The following ELAPOR2 variants were observed in gnomAD, a reference collection of about 807,000 sequenced individuals.
ELAPOR2 encodes the protein endosome/lysosome-associated apoptosis and autophagy regulator family member 2.
In ELAPOR2, 89 loss-of-function variants were observed where a neutral mutation model predicts 120.7. The observed-to-expected ratio is 0.74, with a 90% CI of 0.62 to 0.88. The LOEUF is 0.88. Ranked by LOEUF, ELAPOR2 falls within the 40% of genes least tolerant of loss-of-function variation. The pLI is 0.00. For missense variants in ELAPOR2, 1,134 were observed against 1,251.6 expected, an observed-to-expected ratio of 0.91 and a Z score of 1.42; for synonymous variants, 444 against 444.9, an observed-to-expected ratio of 1.00 and a Z score of 0.03.
chr7:87,005,758 T>G (rs1266793517), intron 1 of ELAPOR2, among the ~76,000 whole-genome samples: 3 of 152,128 alleles, frequency 2.0e-5, no homozygotes, highest in Non-Finnish European at 4.4e-5. Flanking sequence ...CATACCTAGG[T>G]ACAAAGTTTA....
chr7:86,916,955 ATTTTTTTT>A (rs58682563), intron 12 of ELAPOR2, among the ~76,000 whole-genome samples: 4 of 86,700 alleles, frequency 4.6e-5, no homozygotes, highest in Admixed American at 1.3e-4. Context: ...TGGCCAGCTA[ATTTTTTTT>A]TTTTTTTTTT....
intron 4 of ELAPOR2, among the ~76,000 whole-genome samples, chr7:86,942,996 T>C (rs10487059): frequency 0.073 from 11,127 of 152,096 alleles, 1,395 homozygotes; most frequent in African/African-American, 0.25. Flanking sequence ...AACTAAAATA[T>C]AGACCCTATT....
chr7:87,004,373 T>C (rs1355546828), intron 1 of ELAPOR2, among the ~76,000 whole-genome samples: 3 of 152,208 alleles, frequency 2.0e-5, no homozygotes, highest in Non-Finnish European at 4.4e-5. Context: ...TCAATGTTTC[T>C]ATACACGTTA....
intron 2 of ELAPOR2, among the ~76,000 whole-genome samples, chr7:86,952,546 A>G (rs1791304464): frequency 6.6e-6 from 1 of 152,222 alleles, no homozygotes; most frequent in Non-Finnish European, 1.5e-5. Flanking sequence ...GTTAATGTTC[A>G]TGTGCATTAT....
intron 1 of ELAPOR2, among the ~76,000 whole-genome samples, chr7:87,039,210 C>G (rs187061118): frequency 2.2e-3 from 327 of 151,924 alleles, no homozygotes; most frequent in Non-Finnish European, 3.9e-3. Context: ...GAGACTAAAC[C>G]AGGAAGAAGT....
At chr7:86,959,012 A>C (rs1296182930) in intron 2 of ELAPOR2, among the ~76,000 whole-genome samples, 1 of 146,718 alleles carries the variant, frequency 6.8e-6, no homozygotes, top group African/African-American at 2.6e-5. Context: ...ATCAGCGTTT[A>C]TCATTTTCAG....
chr7:86,925,894 AC>A (rs1790045593), intron 9 of ELAPOR2, among the ~76,000 whole-genome samples: 1 of 152,050 alleles, frequency 6.6e-6, no homozygotes, highest in Non-Finnish European at 1.5e-5. Flanking sequence ...AAGGAAAAGG[AC>A]AGAAACAAAA....
chr7:86,945,092 C>A (rs1294462801), intron 3 of ELAPOR2, 46 bp from the exon 4 acceptor site: 1 of 1,514,054 alleles, frequency 6.6e-7, no homozygotes, highest in African/African-American at 1.4e-5. Flanking sequence ...TGTTCTGAAA[C>A]CTCTTCTATT....
chr7:87,039,294 G>A (rs1794685041), intron 1 of ELAPOR2, among the ~76,000 whole-genome samples: 1 of 151,900 alleles, frequency 6.6e-6, no homozygotes, highest in Admixed American at 6.6e-5. Flanking sequence ...AAAAGCCTGG[G>A]ACCCAATGGC....
intron 5 of ELAPOR2, 140 bp downstream of exon 5, chr7:86,941,878 T>C: frequency 3.6e-6 from 2 of 552,624 alleles, no homozygotes; most frequent in East Asian, 3.0e-5. Context: ...AAATTAATAG[T>C]TAATTTTGAT....
At chr7:86,995,805 T>A (rs1324184496) in intron 1 of ELAPOR2, among the ~76,000 whole-genome samples, 1 of 152,224 alleles carries the variant, frequency 6.6e-6, no homozygotes, top group Non-Finnish European at 1.5e-5. Context: ...TAGATTACAC[T>A]ATTTTTTGAA....
intron 1 of ELAPOR2, among the ~76,000 whole-genome samples, chr7:86,971,463 C>T (rs988095268): frequency 6.6e-6 from 1 of 152,114 alleles, no homozygotes; most frequent in Non-Finnish European, 1.5e-5. Context: ...AAACCCTCAT[C>T]GAAGATAATG....
intron 18 of ELAPOR2, among the ~76,000 whole-genome samples, chr7:86,905,710 T>A (rs1788980310): frequency 6.6e-6 from 1 of 152,130 alleles, no homozygotes. Flanking sequence ...AGAATTGCCT[T>A]GTGGTTTTTA....
In ELAPOR2 at chr7:87,030,247, C is replaced by T. The variant is rs115521761; in HGVS notation, c.189+29078G>A. On this transcript the variant is annotated intron_variant, in intron 1 of 21. Transcript: ENST00000450689. ...CTGCTACAAAAGATGGATTCTAAGA[C>T]GAGATAAGCCTAAATGGGACATGTC... Among the ~76,000 whole-genome samples, 1,346 of 152,170 alleles carry T rather than the reference C, an allele frequency of 8.8e-3. 22 individuals carry two copies. The highest frequency in any genetic ancestry group is 0.031 in the African/African-American group (1,271 of 41,504).
At chr7:87,046,405 T>A (rs545708957) in intron 1 of ELAPOR2, among the ~76,000 whole-genome samples, 1 of 152,252 alleles carries the variant, frequency 6.6e-6, no homozygotes, top group Admixed American at 6.5e-5. Context: ...GCAATCCCTA[T>A]CAAAGTACCT....
intron 1 of ELAPOR2, among the ~76,000 whole-genome samples, chr7:87,039,518 G>C (rs906521493): frequency 1.2e-4 from 19 of 152,020 alleles, no homozygotes; most frequent in Non-Finnish European, 2.4e-4. Flanking sequence ...CAAAATACTA[G>C]CAAAATGAAT....
intron 1 of ELAPOR2, among the ~76,000 whole-genome samples, chr7:87,009,071 T>C (rs1424863781): frequency 1.3e-5 from 2 of 152,178 alleles, no homozygotes; most frequent in African/African-American, 4.8e-5. Context: ...AGATCCCTAA[T>C]TTTGTTAAGC....
At chr7:86,891,699 C>T (rs757726537) in intron 21 of ELAPOR2, 25 bp downstream of exon 21, 21 of 1,592,216 alleles carry the variant, frequency 1.3e-5, no homozygotes, top group Non-Finnish European at 1.7e-5. Flanking sequence ...CACCCAGTAA[C>T]ACCAGGTTAA....
chr7:86,918,684 T>G (rs1221173111), intron 11 of ELAPOR2, 140 bp from the exon 12 acceptor site: 2 of 610,766 alleles, frequency 3.3e-6, no homozygotes, highest in African/African-American at 3.7e-5. Flanking sequence ...CCACAACTCC[T>G]TCCTCACTTA....
Sources: gnomAD v4.1 joint callset for allele counts (sites outside exome capture counted in the v4.1 genomes callset) on GRCh38, gnomAD v4.1.1 for gene constraint, MANE v1.5 for transcripts, NCBI Gene and HGNC (gene_info 2026-07-23, HGNC 2026-07-21) for gene names.